Variants in RHEX observed in about 807,000 individuals in gnomAD.
RHEX encodes regulator of hemoglobinization and erythroid cell expansion, also known as regulator of hemoglobinization and erythroid cell expansion protein.
RHEX carries 18 observed loss-of-function variants against 20.1 expected under a neutral mutation model. The ratio of observed to expected loss-of-function variants is 0.90; its 90% CI spans 0.62 to 1.33. The LOEUF is 1.33. RHEX is among the 40% of genes most tolerant of loss of function. RHEX has a pLI of 0.00. For missense variants in RHEX, 192 were observed against 214.3 expected, an observed-to-expected ratio of 0.90 and a Z score of 0.65; for synonymous variants, 87 against 77.1, an observed-to-expected ratio of 1.13 and a Z score of -0.67.
At chr1:206,097,916 C>A in intron 2 of RHEX, 77 bp downstream of exon 2, 1 of 1,261,968 alleles carries the variant, frequency 7.9e-7, no homozygotes, top group Non-Finnish European at 1.2e-6. Context: ...GCACACATAG[C>A]ACCCTTCCTG....
At chr1:206,084,897 AG>A (rs113401721) in intron 1 of RHEX, among the ~76,000 whole-genome samples, 10 of 152,304 alleles carry the variant, frequency 6.6e-5, no homozygotes, top group African/African-American at 2.2e-4. Flanking sequence ...AATCCTGACA[AG>A]GAGGCAGGAA....
intron 1 of RHEX, among the ~76,000 whole-genome samples, chr1:206,070,907 T>C (rs147067454): frequency 2.4e-4 from 37 of 152,222 alleles, no homozygotes; most frequent in African/African-American, 8.7e-4. Context: ...ACCTGTAAAA[T>C]TGAAATAATA....
intron 1 of RHEX, among the ~76,000 whole-genome samples, chr1:206,065,059 A>G (rs1662397073): frequency 1.3e-5 from 2 of 152,078 alleles, no homozygotes; most frequent in African/African-American, 4.8e-5. Flanking sequence ...GTGCTTTGTT[A>G]AACAGATGCT....
chr1:206,082,262 A>T (rs1240982270), intron 1 of RHEX, among the ~76,000 whole-genome samples: 2 of 152,114 alleles, frequency 1.3e-5, no homozygotes, highest in Admixed American at 1.3e-4. Flanking sequence ...TCATGTCTGT[A>T]ATCCCAGTAC....
intron 1 of RHEX, among the ~76,000 whole-genome samples, chr1:206,090,127 T>A (rs1200455554): frequency 2.0e-5 from 3 of 152,030 alleles, no homozygotes; most frequent in African/African-American, 7.2e-5. Flanking sequence ...CACAGGCATA[T>A]TTTTTCAAGT....
At chr1:206,094,800 G>A (rs1438387004) in intron 1 of RHEX, among the ~76,000 whole-genome samples, 1 of 152,224 alleles carries the variant, frequency 6.6e-6, no homozygotes, top group South Asian at 2.1e-4. Context: ...CTTCCACCTC[G>A]CTATCCCAAA....
intron 3 of RHEX, among the ~76,000 whole-genome samples, chr1:206,099,453 A>G (rs1571875337): frequency 6.6e-6 from 1 of 151,840 alleles, no homozygotes; most frequent in East Asian, 1.9e-4. Context: ...CTAGTATCTG[A>G]CATTACCGGC....
chr1:206,058,090 G>A (rs918347436), intron 1 of RHEX, among the ~76,000 whole-genome samples: 1 of 152,258 alleles, frequency 6.6e-6, no homozygotes, highest in African/African-American at 2.4e-5. Context: ...TGAGGATATA[G>A]TTAAAGATAT....
intron 1 of RHEX, among the ~76,000 whole-genome samples, chr1:206,064,060 G>T (rs1214494965): frequency 6.0e-5 from 9 of 150,608 alleles, no homozygotes; most frequent in Admixed American, 5.9e-4. Context: ...TCTGGGATGT[G>T]AGGAGCGCCT....
intron 1 of RHEX, chr1:206,060,683 A>G (rs1308809711): frequency 2.0e-5 from 3 of 152,486 alleles, no homozygotes; most frequent in South Asian, 2.1e-4. Context: ...AAAGCCAGCC[A>G]GAGCAGCTGG....
At chr1:206,060,426 G>A (rs1453612205) in intron 1 of RHEX, 1 of 152,246 alleles carries the variant, frequency 6.6e-6, no homozygotes, top group Non-Finnish European at 1.5e-5. Context: ...TGAAGCCAGA[G>A]ACTAACACTG....
chr1:206,098,143 T>G lies in RHEX; in HGVS notation c.74T>G (p.Phe25Cys). 6.2e-7 allele frequency: 1 copy of G among 1,614,062 alleles called. No individual in the cohort carries two copies. Among genetic ancestry groups the G allele is most frequent in the Non-Finnish European group, 8.5e-7 (1 of 1,179,954 alleles). ...AVVSLFLQAC[F>C]LTAINYLLSR... ...GTGTCCCTCTTCCTGCAGGCCTGCT[T>G]CCTCACCGCCATCAACTACCTGCTC... The change falls in exon 3 of 6, where the codon TTC becomes TGC. Residue 25 changes from phenylalanine to cysteine, a missense_variant. Coordinates refer to ENST00000331555, the MANE Select transcript of RHEX (RefSeq NM_001007544.4).
At chr1:206,098,411 C>T in intron 3 of RHEX, 1 of 523,708 alleles carries the variant, frequency 1.9e-6, no homozygotes, top group African/African-American at 1.9e-5. Flanking sequence ...AGTGGCCATC[C>T]ACATCCGTCT....
chr1:206,085,587 A>G (rs1212666412), intron 1 of RHEX, among the ~76,000 whole-genome samples: 1 of 152,154 alleles, frequency 6.6e-6, no homozygotes. Flanking sequence ...GCTTTCCCCA[A>G]AATTACTAAT....
intron 4 of RHEX, among the ~76,000 whole-genome samples, chr1:206,100,358 T>C (rs1663164370): frequency 6.6e-6 from 1 of 152,246 alleles, no homozygotes. Context: ...AAGTGGCTGC[T>C]TTGGCAACAA....
chr1:206,097,747 G>A lies in RHEX; in HGVS notation c.-82G>A. The A allele has an allele frequency of 6.2e-7, 1 of 1,613,466 alleles. No individual in the cohort carries two copies. Among genetic ancestry groups the A allele is most frequent in the Non-Finnish European group, 8.5e-7 (1 of 1,179,446 alleles). On this transcript the variant is annotated 5_prime_UTR_variant, in exon 2 of 6. Transcript: ENST00000331555. ...ACCTCTTGCAGATCTCCAGCACCCT[G>A]CCGGTGGCACTACTGAGAGACGAGG...
chr1:206,079,738 T>A (rs1042162342), intron 1 of RHEX, among the ~76,000 whole-genome samples: 5 of 152,158 alleles, frequency 3.3e-5, no homozygotes, highest in Non-Finnish European at 5.9e-5. Flanking sequence ...AAATTTTTAG[T>A]AGAGACGGGG....
chr1:206,097,587 T>C (rs1663098766), intron 1 of RHEX, 146 bp from the exon 2 acceptor site: 1 of 589,508 alleles, frequency 1.7e-6, no homozygotes, highest in Non-Finnish European at 3.0e-6. Flanking sequence ...GTGTCTAGAA[T>C]GTATCATGTA....
chr1:206,070,201 C>T (rs935516556), intron 1 of RHEX, among the ~76,000 whole-genome samples: 27 of 152,126 alleles, frequency 1.8e-4, no homozygotes, highest in African/African-American at 5.8e-4. Flanking sequence ...TCTACCAGCT[C>T]GCCCTCAGTA....
Sources: allele counts gnomAD v4.1 joint callset (sites outside exome capture counted in the v4.1 genomes callset), GRCh38; gene constraint gnomAD v4.1.1; transcripts MANE v1.5; gene names NCBI Gene and HGNC (gene_info 2026-07-23, HGNC 2026-07-21).